PKIB: variants seen among roughly 807,000 people sequenced by gnomAD.
PKIB encodes the protein PKI-beta.
PKIB carries 2 observed loss-of-function variants against 4.5 expected under a neutral mutation model. The observed-to-expected ratio is 0.44, with a 90% CI of 0.18 to 1.39. The LOEUF (loss-of-function observed/expected upper bound fraction) is 1.39. Among genes scored for constraint, PKIB ranks in the 40% most tolerant of loss-of-function variants. The pLI is 0.27. For missense variants in PKIB, 94 were observed against 92.6 expected (o/e 1.02, Z -0.06); for synonymous variants, 38 against 36.0 (o/e 1.06, Z -0.20).
At chr6:122,694,858 C>A (rs1778504792) in intron 3 of PKIB, among the ~76,000 whole-genome samples, 1 of 152,094 alleles carries the variant, frequency 6.6e-6, no homozygotes, top group Non-Finnish European at 1.5e-5. Context: ...TTAAAGCTTT[C>A]AAGGGGAAAG....
intron 2 of PKIB, among the ~76,000 whole-genome samples, chr6:122,663,387 C>T (rs950721192): frequency 1.7e-4 from 26 of 152,180 alleles, no homozygotes; most frequent in African/African-American, 6.3e-4. Flanking sequence ...CCTGTGCCCT[C>T]CAGGAGCTGC....
chr6:122,721,802 C>CAT (rs35364615), intron 4 of PKIB, among the ~76,000 whole-genome samples: 8,070 of 148,918 alleles, frequency 0.054, 386 homozygotes, highest in African/African-American at 0.13. Flanking sequence ...CATGTTACTA[C>CAT]ATATATATAT....
At chr6:122,497,898 A>G (rs1776121223) in intron 2 of PKIB, among the ~76,000 whole-genome samples, 1 of 152,178 alleles carries the variant, frequency 6.6e-6, no homozygotes, top group African/African-American at 2.4e-5. Flanking sequence ...CCCATCAACC[A>G]ACCACAGAAT....
chr6:122,609,353 A>G (rs550378386), upstream of PKIB, among the ~76,000 whole-genome samples: 1 of 152,248 alleles, frequency 6.6e-6, no homozygotes, highest in Non-Finnish European at 1.5e-5. Context: ...TCAGTTTACT[A>G]TCTGAAAATA....
intron 2 of PKIB, among the ~76,000 whole-genome samples, chr6:122,665,687 G>A (rs535425952): frequency 4.6e-5 from 7 of 152,022 alleles, no homozygotes; most frequent in Non-Finnish European, 8.8e-5. Flanking sequence ...TGGTTGTAAA[G>A]TCAGTTTTTA....
chr6:122,569,793 C>A (rs1381793708), intron 2 of PKIB, among the ~76,000 whole-genome samples: 1 of 152,226 alleles, frequency 6.6e-6, no homozygotes. Flanking sequence ...AGAACCACAT[C>A]AAGGGAACAC....
At chr6:122,608,813 A>C (rs1458713740), upstream of PKIB, among the ~76,000 whole-genome samples, 1 of 152,220 alleles carries the variant, frequency 6.6e-6, no homozygotes, top group Admixed American at 6.5e-5. Flanking sequence ...TTACAAAGCA[A>C]AATTTTCAAG....
intron 2 of PKIB, among the ~76,000 whole-genome samples, chr6:122,516,618 T>A (rs1189000522): frequency 2.6e-5 from 4 of 152,200 alleles, no homozygotes; most frequent in Non-Finnish European, 5.9e-5. Context: ...GTTGGCCTGC[T>A]TAGCTGTATC....
chr6:122,528,720 C>T (rs1227473928), intron 2 of PKIB, among the ~76,000 whole-genome samples: 1 of 151,980 alleles, frequency 6.6e-6, no homozygotes, highest in East Asian at 1.9e-4. Flanking sequence ...AGCAAGACCT[C>T]GTCTCTACAA....
chr6:122,722,630 T>C (rs1384611696), intron 4 of PKIB, among the ~76,000 whole-genome samples: 1 of 152,172 alleles, frequency 6.6e-6, no homozygotes, highest in African/African-American at 2.4e-5. Flanking sequence ...GGTTATAGAG[T>C]ACCATTTTCT....
At chr6:122,702,771 T>G (rs1488726857) in intron 3 of PKIB, among the ~76,000 whole-genome samples, 1 of 152,186 alleles carries the variant, frequency 6.6e-6, no homozygotes, top group Non-Finnish European at 1.5e-5. Context: ...CGTAGAGAAT[T>G]TTTTTCACTA....
intron 2 of PKIB, among the ~76,000 whole-genome samples, chr6:122,665,351 C>T (rs1777177041): frequency 6.6e-6 from 1 of 152,058 alleles, no homozygotes; most frequent in South Asian, 2.1e-4. Context: ...GGATTTATTG[C>T]AAAATTTTAT....
intron 3 of PKIB, among the ~76,000 whole-genome samples, chr6:122,689,796 A>G (rs947536647): frequency 6.6e-6 from 1 of 152,134 alleles, no homozygotes; most frequent in African/African-American, 2.4e-5. Context: ...GATTAAGTCC[A>G]ATGTTTCTTT....
At chr6:122,619,043 G>T (rs1331289241) in intron 1 of PKIB, among the ~76,000 whole-genome samples, 1 of 151,998 alleles carries the variant, frequency 6.6e-6, no homozygotes, top group Non-Finnish European at 1.5e-5. Context: ...AATATTTTTA[G>T]TTATTTTTAT....
At chr6:122,514,370 A>G (rs1354537561) in intron 2 of PKIB, among the ~76,000 whole-genome samples, 1 of 152,214 alleles carries the variant, frequency 6.6e-6, no homozygotes, top group African/African-American at 2.4e-5. Flanking sequence ...GCATTTTAGC[A>G]AACTCAAATT....
At position 122,626,073 on chromosome 6, in the gene PKIB, T is replaced by TATAGATAGATAGATAGATAGATAGATAG. The variant is rs61494727; in HGVS notation, c.-160-7185_-160-7184insTAGATAGATAGATAGATAGATAGATAGA. 5.3e-5 allele frequency among the ~76,000 whole-genome samples: 8 copies of TATAGATAGATAGATAGATAGATAGATAG among 151,094 alleles called. No homozygotes were observed. In the South Asian group the frequency reaches 6.3e-4, roughly 12 times the overall value. Reference sequence around the variant, plus strand: ...GACAGAGAGAGATCCAATTTCAAAATATAGATAGATAGATAGATAGATAGA... The same window carrying TATAGATAGATAGATAGATAGATAGATAG: ...GACAGAGAGAGATCCAATTTCAAAATATAGATAGATAGATAGATAGATAGATAGATAGATAGATAGATAGATAGATAGA... On this transcript the variant is annotated intron_variant, in intron 1 of 4. Transcript: ENST00000368452.
intron 2 of PKIB, among the ~76,000 whole-genome samples, chr6:122,556,843 A>G (rs930810532): frequency 2.0e-5 from 3 of 152,204 alleles, no homozygotes; most frequent in African/African-American, 7.2e-5. Context: ...ACCTATCACA[A>G]ACTAAGTGTT....
chr6:122,524,682 A>G (rs982238204), intron 2 of PKIB, among the ~76,000 whole-genome samples: 17 of 152,078 alleles, frequency 1.1e-4, no homozygotes, highest in Admixed American at 2.0e-4. Context: ...CAGATTTTCT[A>G]TTTCTTCATG....
intron 1 of PKIB, among the ~76,000 whole-genome samples, chr6:122,620,208 C>T (rs529419336): frequency 1.1e-4 from 16 of 152,272 alleles, no homozygotes; most frequent in African/African-American, 3.9e-4. Context: ...ACAAACCCCT[C>T]CTGTTCTGAA....
Sources: gnomAD v4.1 joint callset for allele counts (sites outside exome capture counted in the v4.1 genomes callset) on GRCh38, gnomAD v4.1.1 for gene constraint, MANE v1.5 for transcripts, NCBI Gene and HGNC (gene_info 2026-07-23, HGNC 2026-07-21) for gene names.